Variants in CACNA1A observed in about 807,000 individuals in gnomAD.
The protein encoded by CACNA1A is calcium voltage-gated channel subunit alpha1 A.
A neutral mutation model predicts 262.4 loss-of-function variants in CACNA1A; 57 were observed. The observed-to-expected ratio is 0.22, with a 90% CI of 0.18 to 0.27. The LOEUF (loss-of-function observed/expected upper bound fraction) is 0.27, where lower values mean the gene tolerates loss of function less well. Among genes scored for constraint, CACNA1A ranks in the 10% least tolerant of loss-of-function variants. The probability of loss-of-function intolerance (pLI) is 1.00; values close to 1 mark genes in which losing one functional copy is unlikely to be tolerated. For missense variants in CACNA1A, 2,526 were observed against 3,562.8 expected, an observed-to-expected ratio of 0.71 and a Z score of 7.41; for synonymous variants, 1,431 against 1,419.3, an observed-to-expected ratio of 1.01 and a Z score of -0.18.
chr19:13,208,878 G>T lies in CACNA1A; in HGVS notation c.6658C>A (p.Pro2220Thr). The T allele has an allele frequency of 8.2e-7, 1 of 1,226,858 alleles. No homozygotes were observed. The highest frequency in any genetic ancestry group is 1.1e-6 in the Non-Finnish European group (1 of 922,654). 76.0% of individuals were successfully genotyped at this position (1,226,858 alleles called of 1,614,324 possible). The change falls in exon 46 of 47, where the codon CCC (proline) becomes ACC (threonine). Residue 2220 changes from proline (P) to threonine (T), a missense_variant. Physicochemically the swap from Pro to Thr is conservative, Grantham distance 38 (BLOSUM62 -1). This residue lies in a region of CACNA1A where 929 missense variants were observed against 868.1 expected (regional missense o/e 1.07). Transcript: ENST00000360228. ...HHHHHHHHHH[P>T]PPPDKDRYAQ... ...TAGCGGTCCTTGTCGGGGGGCGGGGGATGGTGGTGGTGGTGGTGGTGGTGG... is the reference window on the plus strand; with the variant it reads ...TAGCGGTCCTTGTCGGGGGGCGGGGTATGGTGGTGGTGGTGGTGGTGGTGG...
At chr19:13,498,487 CTGGGGG>C (rs1029726926) in intron 1 of CACNA1A, among the ~76,000 whole-genome samples, 4 of 151,806 alleles carry the variant, frequency 2.6e-5, no homozygotes, top group African/African-American at 9.7e-5. Context: ...TATTTGGGGG[CTGGGGG>C]TGGGAGGCTG....
chr19:13,274,552 A>G (rs376933644), intron 24 of CACNA1A: 2 of 152,270 alleles, frequency 1.3e-5, no homozygotes, highest in Non-Finnish European at 2.9e-5. Flanking sequence ...AGGGTCCCCA[A>G]GATTTGTTTC....
At chr19:13,365,288 G>A (rs777922037) in intron 5 of CACNA1A, 29 bp downstream of exon 5, 2 of 1,586,060 alleles carry the variant, frequency 1.3e-6, no homozygotes, top group Admixed American at 3.4e-5. Context: ...GAGAAAACTG[G>A]AAAGATGCAT....
chr19:13,372,726 C>T (rs77885887), intron 3 of CACNA1A, among the ~76,000 whole-genome samples: 47 of 152,278 alleles, frequency 3.1e-4, no homozygotes, highest in African/African-American at 9.9e-4. Flanking sequence ...TACCGGTATG[C>T]TAACCTATTC....
intron 5 of CACNA1A, among the ~76,000 whole-genome samples, chr19:13,360,724 C>T (rs550890097): frequency 3.3e-5 from 5 of 152,200 alleles, no homozygotes; most frequent in African/African-American, 4.8e-5. Flanking sequence ...GTGATCCGCC[C>T]GCCTCGGCCT....
intron 6 of CACNA1A, among the ~76,000 whole-genome samples, chr19:13,356,941 C>A (rs968163981): frequency 6.6e-6 from 1 of 152,212 alleles, no homozygotes; most frequent in Non-Finnish European, 1.5e-5. Context: ...TACACTCAGA[C>A]GAGGTTTTCA....
chr19:13,235,247 C>T lies in CACNA1A; in HGVS notation c.5095G>A (p.Ala1699Thr), dbSNP rs371273055. The T allele has an allele frequency of 8.7e-6, 14 of 1,600,442 alleles. No individual in the cohort carries two copies. The African/African-American group carries it at 9.4e-5, about 11-fold the overall frequency. The change falls in exon 33 of 47, where the codon GCC (alanine) becomes ACC (threonine). Residue 1699 changes from alanine (A) to threonine (T), a missense_variant. By Grantham distance (58) the Ala-to-Thr change is moderately conservative. Around this residue, in one of 17 missense-constraint regions of CACNA1A, gnomAD observed 66 missense variants for 195.8 expected, o/e 0.34. Transcript: ENST00000360228. ...KALPYVCLLI[A>T]MLFFIYAIIG... ...ATGGCATAGATGAAGAAGAGCATGG[C>T]GATCAGCAGACAGACATAAGGCAGG...
At chr19:13,346,627 T>G (rs1470415469) in intron 6 of CACNA1A, among the ~76,000 whole-genome samples, 1 of 3,630 alleles carries the variant, frequency 2.8e-4, no homozygotes, top group African/African-American at 1.2e-3. Flanking sequence ...TATATATATA[T>G]ATATATATAT....
intron 10 of CACNA1A, among the ~76,000 whole-genome samples, chr19:13,317,599 C>T (rs771478935): frequency 6.6e-6 from 1 of 152,184 alleles, no homozygotes; most frequent in Non-Finnish European, 1.5e-5. Context: ...GTCTCCCACT[C>T]CCAGCCACAT....
intron 3 of CACNA1A, among the ~76,000 whole-genome samples, chr19:13,399,819 C>T (rs976368632): frequency 6.6e-6 from 1 of 152,070 alleles, no homozygotes; most frequent in South Asian, 2.1e-4. Flanking sequence ...GGGGTGCCTC[C>T]GGTCAATAGG....
chr19:13,332,292 T>C (rs2058480796), intron 9 of CACNA1A, among the ~76,000 whole-genome samples: 1 of 151,988 alleles, frequency 6.6e-6, no homozygotes, highest in South Asian at 2.1e-4. Flanking sequence ...TCTCAGCTTC[T>C]CATGAGGCTG....
intron 1 of CACNA1A, among the ~76,000 whole-genome samples, chr19:13,479,353 G>A (rs1978968600): frequency 1.3e-5 from 2 of 152,286 alleles, no homozygotes; most frequent in South Asian, 2.1e-4. Flanking sequence ...AAGTCCTGAA[G>A]GAGAGGAGGG....
intron 24 of CACNA1A, among the ~76,000 whole-genome samples, chr19:13,269,575 G>A (rs951760317): frequency 1.1e-4 from 16 of 152,290 alleles, no homozygotes; most frequent in South Asian, 4.1e-4. Context: ...TGCCAGTTGC[G>A]GTCCTGCCTT....
In CACNA1A at chr19:13,308,233, T is replaced by G; in HGVS notation, c.1800A>C (p.Arg600Ser). 1 of 1,613,574 alleles carries G rather than the reference T, an allele frequency of 6.2e-7. No homozygotes were observed. The highest frequency in any genetic ancestry group is 8.5e-7 in the Non-Finnish European group (1 of 1,179,690). ...FKVTKYWASL[R>S]NLVVSLLNSM... ...AGTTGAGGAGAGAGACGACCAGGTT[T>G]CTGAGAGATGCCCAGTACCTGCCGA... Residue 600 changes from arginine to serine, a missense_variant, in exon 14 of 47, where the codon AGA becomes AGC. By Grantham distance (110) the Arg-to-Ser change is moderately radical (BLOSUM62 -1). This residue lies in a region of CACNA1A where 102 missense variants were observed against 278.9 expected (regional missense o/e 0.37). Coordinates refer to ENST00000360228, the MANE Select transcript of CACNA1A (RefSeq NM_001127222.2). The surrounding 1 kb of genome is among the most constrained non-coding windows in gnomAD (Gnocchi z 4.2).
intron 1 of CACNA1A, among the ~76,000 whole-genome samples, chr19:13,491,630 A>G (rs1980891846): frequency 6.6e-6 from 1 of 152,190 alleles, no homozygotes; most frequent in South Asian, 2.1e-4. Flanking sequence ...TAAAGCTTGG[A>G]GAGCTTGCAC....
At chr19:13,310,944 C>A (rs780330688) in intron 12 of CACNA1A, among the ~76,000 whole-genome samples, 3 of 152,074 alleles carry the variant, frequency 2.0e-5, no homozygotes, top group African/African-American at 4.8e-5. Context: ...GCATGTGCCA[C>A]GACGCCTGGC....
chr19:13,465,103 T>C (rs979660376), intron 1 of CACNA1A, among the ~76,000 whole-genome samples: 4 of 151,934 alleles, frequency 2.6e-5, no homozygotes, highest in African/African-American at 7.3e-5. Flanking sequence ...TAATTTTTTG[T>C]ATTTTTTAGT....
chr19:13,353,259 C>T lies in CACNA1A; in HGVS notation c.978+6347G>A, dbSNP rs151137591. 6.7e-4 allele frequency among the ~76,000 whole-genome samples: 101 copies of T among 151,682 alleles called. 1 individual carries two copies. The highest frequency in any genetic ancestry group is 2.4e-3 in the African/African-American group (99 of 41,344). ...TCAGCCTCCTGAGTAGCTGGGACTA[C>T]AGATGTACGCCACTATGCCTGGCTG... is the stretch of plus-strand genomic sequence containing the variant. On this transcript the variant is annotated intron_variant, in intron 6 of 46. Transcript: ENST00000360228.
chr19:13,365,268 G>C (rs1568574513), intron 5 of CACNA1A, 49 bp downstream of exon 5: 1 of 1,538,150 alleles, frequency 6.5e-7, no homozygotes, highest in Non-Finnish European at 8.9e-7. Context: ...CCAAGAGCTT[G>C]TCCCTGAAGG....
Sources: allele counts gnomAD v4.1 joint callset (sites outside exome capture counted in the v4.1 genomes callset), GRCh38; gene constraint gnomAD v4.1.1; regional missense constraint gnomAD v4.1.1; non-coding constraint Gnocchi (gnomAD v3.1); transcripts MANE v1.5; gene names NCBI Gene and HGNC (gene_info 2026-07-23, HGNC 2026-07-21).